PTGER3: variants seen among roughly 807,000 people sequenced by gnomAD.
The protein encoded by PTGER3 is prostaglandin E2 receptor EP3 subtype.
Under a neutral mutation model 34.7 loss-of-function variants are expected in PTGER3, and 22 were observed. The ratio of observed to expected loss-of-function variants is 0.63; its 90% CI spans 0.45 to 0.91. The LOEUF (loss-of-function observed/expected upper bound fraction) is 0.91, where lower values mean the gene tolerates loss of function less well. PTGER3 is among the 40% of genes least tolerant of loss of function. The pLI is 0.00. For synonymous variants in PTGER3, 241 were observed against 230.1 expected (o/e 1.05, Z -0.43); for missense variants, 468 against 519.4 (o/e 0.90, Z 0.96).
At chr1:70,947,768 C>G (rs1035122056), downstream of PTGER3, among the ~76,000 whole-genome samples, 8 of 152,022 alleles carry the variant, frequency 5.3e-5, no homozygotes, top group African/African-American at 1.4e-4. Context: ...TTGTTGAGTA[C>G]TGGTGACTAA....
downstream of PTGER3, chr1:70,952,322 C>G (rs565479590): frequency 5.3e-6 from 4 of 761,652 alleles, no homozygotes; most frequent in East Asian, 2.6e-4. Flanking sequence ...GGTTATGAAC[C>G]CTGCCTTCCT....
At chr1:70,900,300 T>C (rs4650094) in intron 4 of PTGER3, among the ~76,000 whole-genome samples, 45,133 of 151,842 alleles carry the variant, frequency 0.3, 6,992 homozygotes, top group South Asian at 0.46. Context: ...AGTGGTCAGG[T>C]TGTTGGAGTT....
chr1:70,865,588 G>A (rs116356074), intron 4 of PTGER3: 14,065 of 1,239,160 alleles, frequency 0.011, 94 homozygotes, highest in Non-Finnish European at 0.013. Flanking sequence ...GGACAACAGA[G>A]ATGAAAGATG....
In PTGER3 at chr1:70,953,698, T is replaced by C. The variant is rs368175787; in HGVS notation, c.1104+65A>G. ...TAAGGAAATATGACAAACAGTACAG[T>C]TGGCAGAAAGTGAAGAGGTTTGGAT... On this transcript the variant is annotated intron_variant, in intron 3 of 3. Transcript: ENST00000356595. 2.3e-5 allele frequency: 36 copies of C among 1,535,722 alleles called. No individual in the cohort carries two copies. In the African/African-American group the frequency reaches 4.7e-4, roughly 20 times the overall value.
intron 2 of PTGER3, chr1:71,008,714 C>T (rs1236231555): frequency 1.0e-6 from 1 of 981,114 alleles, no homozygotes; most frequent in African/African-American, 1.8e-5. Flanking sequence ...TTTTAGACCT[C>T]AGTTTTAACA....
At chr1:71,019,310 C>T (rs1658192950) in intron 1 of PTGER3, among the ~76,000 whole-genome samples, 1 of 152,140 alleles carries the variant, frequency 6.6e-6, no homozygotes, top group African/African-American at 2.4e-5. Flanking sequence ...ACTATTTCTC[C>T]TTTCAAACAG....
intron 1 of PTGER3, among the ~76,000 whole-genome samples, chr1:71,023,091 C>T: frequency 6.6e-6 from 1 of 151,780 alleles, no homozygotes; most frequent in East Asian, 1.9e-4. Context: ...GAAGTTACAG[C>T]CAAATTTCCC....
intron 4 of PTGER3, among the ~76,000 whole-genome samples, chr1:70,915,112 G>A (rs1039573953): frequency 1.3e-5 from 2 of 151,774 alleles, no homozygotes; most frequent in Non-Finnish European, 2.9e-5. Flanking sequence ...GGCATGAGGA[G>A]CATTTACATA....
intron 2 of PTGER3, chr1:71,011,490 T>C: frequency 1.0e-6 from 1 of 985,314 alleles, no homozygotes; most frequent in Middle Eastern, 5.2e-4. Flanking sequence ...CATAGGTCAG[T>C]TTCATGAATC....
intron 4 of PTGER3, among the ~76,000 whole-genome samples, chr1:70,888,488 A>G (rs1168995046): frequency 6.6e-6 from 1 of 151,998 alleles, no homozygotes. Flanking sequence ...CTATCATTTC[A>G]CATAGTTACC....
chr1:70,954,093 T>C (rs563377327), intron 2 of PTGER3, among the ~76,000 whole-genome samples: 1 of 152,258 alleles, frequency 6.6e-6, no homozygotes, highest in African/African-American at 2.4e-5. Context: ...TCCCCACTCC[T>C]CTGTCACACG....
intron 2 of PTGER3, among the ~76,000 whole-genome samples, chr1:70,987,330 G>A (rs1297002240): frequency 2.0e-5 from 3 of 152,148 alleles, no homozygotes; most frequent in African/African-American, 7.2e-5. Context: ...ATGTTTTGTT[G>A]TATAATCAGT....
Position 70,984,594 on chromosome 1 carries a change from C to T in PTGER3, c.1078-10206G>A, listed in dbSNP as rs2300163. Reference sequence around the variant, plus strand: ...ATTAGTCAGGTGTGCTGGTGTGAGCCTATAGTCCCAGCTACTCAGGAGGCT... The same window carrying T: ...ATTAGTCAGGTGTGCTGGTGTGAGCTTATAGTCCCAGCTACTCAGGAGGCT... On this transcript the variant is annotated intron_variant, in intron 2 of 3. Transcript: ENST00000306666. Among the ~76,000 whole-genome samples, 351 of 151,836 alleles carry T rather than the reference C, an allele frequency of 2.3e-3. 2 individuals carry two copies. In the East Asian group the frequency reaches 0.041, roughly 18 times the overall value.
downstream of PTGER3, among the ~76,000 whole-genome samples, chr1:70,968,747 AT>A (rs1652790932): frequency 6.6e-6 from 1 of 151,896 alleles, no homozygotes; most frequent in Admixed American, 6.6e-5. Context: ...TGATATGTAT[AT>A]ATAGATATAC....
intron 4 of PTGER3, among the ~76,000 whole-genome samples, chr1:70,889,829 G>A (rs189223154): frequency 6.6e-6 from 1 of 152,088 alleles, no homozygotes; most frequent in East Asian, 1.9e-4. Context: ...ACATGTCTGT[G>A]AGGACTTGTT....
At chr1:71,007,066 C>G (rs1308419492) in intron 2 of PTGER3, 1 of 984,916 alleles carries the variant, frequency 1.0e-6, no homozygotes, top group Non-Finnish European at 1.2e-6. Context: ...GATAACTACC[C>G]ATAAAACTTT....
intron 4 of PTGER3, among the ~76,000 whole-genome samples, chr1:70,939,915 A>G (rs979061047): frequency 6.6e-6 from 1 of 152,146 alleles, no homozygotes; most frequent in Admixed American, 6.5e-5. Flanking sequence ...CTTGCTACTT[A>G]TGCAAATTTC....
rs117599798 is a variant in PTGER3 at position 70,932,230 on chromosome 1, A to C, written c.*23+21533T>G. Among the ~76,000 whole-genome samples the C allele has an allele frequency of 1.1e-4, 16 of 152,192 alleles. No individual in the cohort carries two copies. The East Asian group carries it at 3.1e-3, about 29-fold the overall frequency. ...AGACCACATCAGCCAGGACCTTATC[A>C]TTCATATCACTATCAGCATTTTTGT... On this transcript the variant is annotated intron_variant, in intron 4 of 4. Coordinates refer to the PTGER3 transcript ENST00000370931.
chr1:70,933,384 T>TA (rs1648908819), intron 4 of PTGER3, among the ~76,000 whole-genome samples: 1 of 152,174 alleles, frequency 6.6e-6, no homozygotes, highest in South Asian at 2.1e-4. Flanking sequence ...AAAAAGATCA[T>TA]AAAAAAGATC....
Sources: gnomAD v4.1 joint callset for allele counts (sites outside exome capture counted in the v4.1 genomes callset) on GRCh38, gnomAD v4.1.1 for gene constraint, MANE v1.5 for transcripts, NCBI Gene and HGNC (gene_info 2026-07-23, HGNC 2026-07-21) for gene names.